Variants in DENND1A observed in about 807,000 individuals in gnomAD.
DENND1A encodes the protein DENN domain containing 1A, also known as DENN domain-containing protein 1A.
A neutral mutation model predicts 113.7 loss-of-function variants in DENND1A; 51 were observed. That is an observed-to-expected ratio of 0.45 (90% CI 0.36 to 0.57). The LOEUF (loss-of-function observed/expected upper bound fraction) is 0.57, where lower values mean the gene tolerates loss of function less well. Ranked by LOEUF, DENND1A falls within the 20% of genes least tolerant of loss-of-function variation. The pLI is 0.00. For missense variants in DENND1A, 1,258 were observed against 1,395.9 expected (o/e 0.90, Z 1.57); for synonymous variants, 565 against 570.8 (o/e 0.99, Z 0.14).
At chr9:123,675,493 C>T (rs1245152312) in intron 6 of DENND1A, among the ~76,000 whole-genome samples, 5 of 152,232 alleles carry the variant, frequency 3.3e-5, no homozygotes, top group South Asian at 4.1e-4. Context: ...GACCATTTCT[C>T]AGAACTAACA....
intron 5 of DENND1A, among the ~76,000 whole-genome samples, chr9:123,687,247 C>A (rs895898902): frequency 1.4e-4 from 22 of 152,130 alleles, no homozygotes; most frequent in Non-Finnish European, 1.9e-4. Context: ...ACCCCCCCAG[C>A]GATCAGAGAG....
chr9:123,529,577 G>A (rs1183267093), intron 13 of DENND1A, among the ~76,000 whole-genome samples: 7 of 151,900 alleles, frequency 4.6e-5, no homozygotes, highest in Non-Finnish European at 8.8e-5. Context: ...AAAAGAACGT[G>A]AAAGATGGAA....
intron 1 of DENND1A, among the ~76,000 whole-genome samples, chr9:123,919,943 C>A (rs917417347): frequency 6.7e-6 from 1 of 149,328 alleles, no homozygotes; most frequent in Non-Finnish European, 1.5e-5. Flanking sequence ...TCAAAATAAT[C>A]CAGGACTAGA....
chr9:123,402,241 T>TGC (rs71490807), intron 21 of DENND1A, among the ~76,000 whole-genome samples: 17,568 of 128,794 alleles, frequency 0.14, 1,228 homozygotes, highest in East Asian at 0.28. Flanking sequence ...AGCGCACACG[T>TGC]GCACACACAC....
chr9:123,711,073 T>A (rs1470775507), intron 5 of DENND1A, among the ~76,000 whole-genome samples: 1 of 152,204 alleles, frequency 6.6e-6, no homozygotes, highest in Admixed American at 6.5e-5. Context: ...CGCATTATAT[T>A]GATAAGTTAA....
At chr9:123,777,195 AC>A (rs1260959331) in intron 3 of DENND1A, among the ~76,000 whole-genome samples, 1 of 152,040 alleles carries the variant, frequency 6.6e-6, no homozygotes, top group Non-Finnish European at 1.5e-5. Flanking sequence ...TACCTCTCTT[AC>A]CCTCTTTCAG....
intron 2 of DENND1A, among the ~76,000 whole-genome samples, 157 bp downstream of exon 2, chr9:123,878,794 T>C (rs538319330): frequency 2.6e-5 from 4 of 152,200 alleles, no homozygotes; most frequent in Non-Finnish European, 2.9e-5. Flanking sequence ...CATTCTCCAT[T>C]CTTCCTAGGA....
rs931467296 is a variant in DENND1A, at chr9:123,868,463, T to C, written c.88+10488A>G. Among the ~76,000 whole-genome samples the C allele has an allele frequency of 4.6e-5, 7 of 152,338 alleles. No homozygotes were observed. The South Asian group carries it at 1.4e-3, about 32-fold the overall frequency. On this transcript the variant is annotated intron_variant, in intron 2 of 23. Transcript: ENST00000394215. ...TTTATAAAGAACTTTCCATGTCCCA[T>C]GCATGGTGCACTCCCATTTAATCTT... is the stretch of plus-strand genomic sequence containing the variant.
In DENND1A at chr9:123,459,036, T is replaced by A. The variant is rs528029886; in HGVS notation, c.994-1139A>T. 3.7e-4 allele frequency among the ~76,000 whole-genome samples: 56 copies of A among 152,218 alleles called. 2 individuals carry two copies. The South Asian group carries it at 0.011, about 30-fold the overall frequency. On this transcript the variant is annotated intron_variant, in intron 13 of 23. Coordinates refer to ENST00000394215, the MANE Select transcript of DENND1A (RefSeq NM_001352964.2). ...CAAAAATGAGCTGAGCCAAGTGTGT[T>A]GGCAGGTGCCTGTAAGCCCAGCTAC...
At chr9:123,859,053 A>C (rs1844693325) in intron 2 of DENND1A, among the ~76,000 whole-genome samples, 1 of 152,232 alleles carries the variant, frequency 6.6e-6, no homozygotes, top group Admixed American at 6.5e-5. Context: ...TCCAGGAAGA[A>C]TGCATAGCAA....
At chr9:123,689,139 C>T (rs1335516356) in intron 5 of DENND1A, among the ~76,000 whole-genome samples, 2 of 152,168 alleles carry the variant, frequency 1.3e-5, no homozygotes, top group African/African-American at 2.4e-5. Context: ...ATCCTCCCAC[C>T]TCAGCCTCCC....
intron 13 of DENND1A, among the ~76,000 whole-genome samples, chr9:123,472,268 G>A (rs1306180711): frequency 6.6e-6 from 1 of 152,116 alleles, no homozygotes; most frequent in Non-Finnish European, 1.5e-5. Context: ...AGGCCACTGG[G>A]GGAGGGGGAG....
chr9:123,637,298 AG>A (rs1332332313), intron 9 of DENND1A, among the ~76,000 whole-genome samples: 2 of 152,250 alleles, frequency 1.3e-5, no homozygotes, highest in African/African-American at 4.8e-5. Context: ...CATTTTGACC[AG>A]GGATCATCTT....
intron 15 of DENND1A, chr9:123,456,911 G>C (rs2048169697): frequency 6.1e-6 from 1 of 164,918 alleles, no homozygotes; most frequent in Non-Finnish European, 1.3e-5. Flanking sequence ...CATGTACTCT[G>C]ATTTAATCTC....
intron 19 of DENND1A, among the ~76,000 whole-genome samples, chr9:123,431,570 G>C (rs1307619582): frequency 6.6e-6 from 1 of 152,192 alleles, no homozygotes; most frequent in African/African-American, 2.4e-5. Flanking sequence ...TTTGAATCCT[G>C]TTGCTTCTGA....
intron 19 of DENND1A, chr9:123,414,313 A>G: frequency 7.1e-7 from 1 of 1,401,200 alleles, no homozygotes; most frequent in Middle Eastern, 2.7e-4. Flanking sequence ...GACATTAGCA[A>G]CCATTACCAT....
At chr9:123,387,931 G>A in intron 21 of DENND1A, 73 bp from the exon 22 acceptor site, 5 of 1,261,708 alleles carry the variant, frequency 4.0e-6, no homozygotes, top group Non-Finnish European at 5.2e-6. Context: ...GTGCAGGCGG[G>A]AAGCAGGCCT....
intron 2 of DENND1A, among the ~76,000 whole-genome samples, chr9:123,832,161 G>A (rs1264611336): frequency 6.6e-6 from 1 of 152,114 alleles, no homozygotes; most frequent in African/African-American, 2.4e-5. Context: ...AAGGCACAGA[G>A]TACAAGGTAA....
chr9:123,775,811 CCT>C (rs1264496367), intron 3 of DENND1A, among the ~76,000 whole-genome samples: 1 of 152,128 alleles, frequency 6.6e-6, no homozygotes, highest in Non-Finnish European at 1.5e-5. Context: ...TCCAAGCCTC[CCT>C]GAGGTCTCAC....
Sources: gnomAD v4.1 joint callset for allele counts (sites outside exome capture counted in the v4.1 genomes callset) on GRCh38, gnomAD v4.1.1 for gene constraint, MANE v1.5 for transcripts, NCBI Gene and HGNC (gene_info 2026-07-23, HGNC 2026-07-21) for gene names.